ARL13B: variants seen among roughly 807,000 people sequenced by gnomAD.
ARL13B encodes ARF like GTPase 13B.
Under a neutral mutation model 56.1 loss-of-function variants are expected in ARL13B, and 36 were observed. That is an observed-to-expected ratio of 0.64 (90% CI 0.49 to 0.85). The LOEUF (loss-of-function observed/expected upper bound fraction) is 0.85, where lower values mean the gene tolerates loss of function less well. Among genes scored for constraint, ARL13B ranks in the 40% least tolerant of loss-of-function variants. The probability of loss-of-function intolerance (pLI) is 0.00; values close to 1 mark genes in which losing one functional copy is unlikely to be tolerated. For synonymous variants in ARL13B, 178 were observed against 171.1 expected, an observed-to-expected ratio of 1.04 and a Z score of -0.32; for missense variants, 519 against 507.1, an observed-to-expected ratio of 1.02 and a Z score of -0.23.
At chr3:94,041,491 G>A (rs986650768) in intron 6 of ARL13B, among the ~76,000 whole-genome samples, 3 of 151,910 alleles carry the variant, frequency 2.0e-5, no homozygotes, top group Non-Finnish European at 4.4e-5. Flanking sequence ...GCTTGGAGGA[G>A]GAAAAAATTT....
At chr3:94,050,589 T>C (rs1223565749) in intron 8 of ARL13B, among the ~76,000 whole-genome samples, 1 of 152,222 alleles carries the variant, frequency 6.6e-6, no homozygotes, top group Non-Finnish European at 1.5e-5. Context: ...GTGAAGGTGC[T>C]TATAGTTTTT....
In ARL13B at chr3:94,035,360, C is replaced by G; in HGVS notation, c.410C>G (p.Ala137Gly). 1 of 1,610,002 alleles carries G rather than the reference C, an allele frequency of 6.2e-7. No homozygotes were observed. Among genetic ancestry groups the G allele is most frequent in the African/African-American group, 1.3e-5 (1 of 74,438 alleles). The change falls in exon 4 of 10, where the codon GCT (alanine) becomes GGT (glycine). Residue 137 changes from alanine to glycine, a missense_variant. Coordinates refer to ENST00000394222, the MANE Select transcript of ARL13B (RefSeq NM_001174150.2). ...VLANKQDKEG[A>G]LGEADVIECL... is the part of the protein sequence containing the mutation. ...GCAAATAAACAAGATAAAGAAGGAG[C>G]TTTAGGAGAAGCTGATGTCATTGAA...
chr3:94,001,715 T>C (rs915684045), intron 2 of ARL13B, among the ~76,000 whole-genome samples: 1 of 152,220 alleles, frequency 6.6e-6, no homozygotes, highest in African/African-American at 2.4e-5. Context: ...AACAAAGTCC[T>C]GGTACCAAGG....
rs73156325 is a variant in ARL13B, at chr3:93,980,944, C to T, written c.59+462C>T. Among the ~76,000 whole-genome samples the T allele has an allele frequency of 8.5e-3, 1,301 of 152,280 alleles. 23 individuals carry two copies. Among genetic ancestry groups the T allele is most frequent in the Non-Finnish European group, 9.5e-3 (649 of 68,020 alleles). On this transcript the variant is annotated intron_variant, in intron 1 of 9. Coordinates refer to ENST00000394222, the MANE Select transcript of ARL13B (RefSeq NM_001174150.2). ...ATCTGGCTCCACTACTTAATAATTA[C>T]ATGACTCAACCATTTTGGCCCCACC...
At chr3:94,031,872 C>T (rs2076682435) in intron 3 of ARL13B, among the ~76,000 whole-genome samples, 1 of 152,080 alleles carries the variant, frequency 6.6e-6, no homozygotes. Flanking sequence ...ATTCAATTGC[C>T]ATATGCAGAA....
chr3:94,030,443 A>C (rs557438530), intron 3 of ARL13B, among the ~76,000 whole-genome samples: 110 of 150,320 alleles, frequency 7.3e-4, no homozygotes, highest in African/African-American at 2.6e-3. Flanking sequence ...CCATGTTGGC[A>C]AAGCTGGTCT....
intron 3 of ARL13B, among the ~76,000 whole-genome samples, chr3:94,035,096 G>A (rs925167645): frequency 1.3e-5 from 2 of 152,106 alleles, no homozygotes; most frequent in South Asian, 2.1e-4. Flanking sequence ...AATTAGCCTC[G>A]CGTGGTGGCA....
At chr3:94,045,969 A>AAAAAAAAAAAAAAG (rs2076977111) in intron 7 of ARL13B, among the ~76,000 whole-genome samples, 2 of 118,196 alleles carry the variant, frequency 1.7e-5, no homozygotes, top group African/African-American at 2.8e-5. Context: ...AAAAAAAAAG[A>AAAAAAAAAAAAAAG]AAAAAAAAAG....
intron 5 of ARL13B, 107 bp from the exon 6 acceptor site, chr3:94,039,773 G>T: frequency 1.1e-6 from 1 of 919,090 alleles, no homozygotes; most frequent in East Asian, 2.7e-5. Context: ...ACCATGTCCA[G>T]ATGTTTAAAT....
intron 1 of ARL13B, among the ~76,000 whole-genome samples, chr3:93,992,444 T>C (rs1282851766): frequency 1.3e-5 from 2 of 152,182 alleles, no homozygotes; most frequent in African/African-American, 4.8e-5. Flanking sequence ...TGCCCACTGC[T>C]TCCCCTAATT....
intron 3 of ARL13B, among the ~76,000 whole-genome samples, chr3:94,007,879 C>T (rs977768185): frequency 6.6e-6 from 1 of 152,070 alleles, no homozygotes; most frequent in African/African-American, 2.4e-5. Context: ...AGTTGTATAG[C>T]ATTTATTAAT....
At chr3:94,017,304 TG>T (rs984896531) in intron 3 of ARL13B, among the ~76,000 whole-genome samples, 5 of 152,250 alleles carry the variant, frequency 3.3e-5, no homozygotes, top group African/African-American at 1.2e-4. Context: ...CAAAGGGCAG[TG>T]GGTGGAAATT....
At chr3:93,982,439 T>C (rs1418163694) in intron 1 of ARL13B, among the ~76,000 whole-genome samples, 1 of 152,218 alleles carries the variant, frequency 6.6e-6, no homozygotes, top group African/African-American at 2.4e-5. Flanking sequence ...GTTTAATACA[T>C]AGTGGGCTTT....
chr3:94,036,897 C>CT (rs1211782111), intron 5 of ARL13B, 143 bp downstream of exon 5: 2 of 990,126 alleles, frequency 2.0e-6, no homozygotes, highest in Non-Finnish European at 3.0e-6. Context: ...TTCTGTGGAT[C>CT]TTTTTCTGTA....
At chr3:94,043,336 A>C in intron 7 of ARL13B, 96 bp downstream of exon 7, 1 of 1,129,694 alleles carries the variant, frequency 8.9e-7, no homozygotes. Flanking sequence ...ACAAACGAGT[A>C]CTTCAATATT....
rs368735563 is a variant in ARL13B at position 94,044,570 on chromosome 3, G to T, written c.1024+1330G>T. Among the ~76,000 whole-genome samples, 381 of 142,926 alleles carry T rather than the reference G, an allele frequency of 2.7e-3. 1 individual carries two copies. The highest frequency in any genetic ancestry group is 8.1e-3 in the Middle Eastern group (2 of 246). 93.8% of individuals were successfully genotyped at this position (142,926 alleles called of 152,430 possible). A position where few individuals can be genotyped will look rare whatever the true frequency, so the allele number is the denominator to read the frequency against. ...AGGTGAGGAGCGCCTCTGCCTGGCC[G>T]CCACCGCATCTGGGAGGTGAGGAGC... is the stretch of plus-strand genomic sequence containing the variant. On this transcript the variant is annotated intron_variant, in intron 7 of 9. Transcript: ENST00000394222.
chr3:93,994,122 C>T (rs2075924150), intron 1 of ARL13B, among the ~76,000 whole-genome samples: 1 of 152,232 alleles, frequency 6.6e-6, no homozygotes, highest in Admixed American at 6.5e-5. Context: ...AGAATCCTCA[C>T]AATGGCCTAT....
chr3:93,980,852 A>G lies in ARL13B; in HGVS notation c.59+370A>G, dbSNP rs550178951. ...GAGGGGGACATGGAATATAGTTTTC[A>G]TAATATCCGCACATTCCATTCCAAG... On this transcript the variant is annotated intron_variant, in intron 1 of 9. Transcript: ENST00000394222. 7.9e-5 allele frequency among the ~76,000 whole-genome samples: 12 copies of G among 152,186 alleles called. 2 individuals carry two copies. Among genetic ancestry groups the G allele is most frequent in the African/African-American group, 2.6e-4 (11 of 41,524 alleles).
At position 94,055,414 on chromosome 3, in the gene ARL13B, T is replaced by C. The variant is rs1188962442; in HGVS notation, c.*2151T>C. On this transcript the variant is annotated 3_prime_UTR_variant, in exon 10 of 10. Transcript: ENST00000394222. The stretch of plus-strand genomic sequence containing the variant: ...AAAATAATGCATTTTTTTGATACTT[T>C]ACACACAAAACTTTTTTCTCTCTGC... 1 of 452,604 alleles carries C rather than the reference T, an allele frequency of 2.2e-6. No individual in the cohort carries two copies. The highest frequency in any genetic ancestry group is 7.0e-5 in the East Asian group (1 of 14,386). 28.0% of individuals were successfully genotyped at this position (452,604 alleles called of 1,614,324 possible). A position where few individuals can be genotyped will look rare whatever the true frequency, so the allele number is the denominator to read the frequency against.
Sources: allele counts gnomAD v4.1 joint callset (sites outside exome capture counted in the v4.1 genomes callset), GRCh38; gene constraint gnomAD v4.1.1; transcripts MANE v1.5; gene names NCBI Gene and HGNC (gene_info 2026-07-23, HGNC 2026-07-21).